The following RGS17 variants were observed in gnomAD, a reference collection of about 807,000 sequenced individuals.
RGS17 encodes the protein regulator of G-protein signaling 17.
In RGS17, 12 loss-of-function variants were observed where a neutral mutation model predicts 25.5. The observed-to-expected ratio is 0.47, with a 90% confidence interval of 0.30 to 0.76. RGS17 has a LOEUF of 0.76. Among genes scored for constraint, RGS17 ranks in the 30% least tolerant of loss-of-function variants. The probability of loss-of-function intolerance (pLI) is 0.07; values close to 1 mark genes in which losing one functional copy is unlikely to be tolerated. For synonymous variants in RGS17, 71 were observed against 76.9 expected, an observed-to-expected ratio of 0.92 and a Z score of 0.40; for missense variants, 196 against 242.2, an observed-to-expected ratio of 0.81 and a Z score of 1.27.
intron 1 of RGS17, among the ~76,000 whole-genome samples, chr6:153,084,379 A>G (rs1777024735): frequency 1.3e-5 from 2 of 152,206 alleles, no homozygotes; most frequent in Admixed American, 6.5e-5. Flanking sequence ...ACCAACTGAC[A>G]TAGAAATAAA....
intron 1 of RGS17, among the ~76,000 whole-genome samples, chr6:153,081,820 C>T (rs754269783): frequency 2.0e-5 from 3 of 152,188 alleles, no homozygotes; most frequent in African/African-American, 4.8e-5. Context: ...TGTTTACCCA[C>T]ATTTTCCATT....
intron 1 of RGS17, among the ~76,000 whole-genome samples, chr6:153,096,255 C>A (rs561554149): frequency 5.3e-5 from 8 of 152,128 alleles, no homozygotes; most frequent in Non-Finnish European, 8.8e-5. Context: ...GTAGCAAGTG[C>A]TGAGGAAAAG....
chr6:153,089,582 A>C (rs1393524239), intron 1 of RGS17, among the ~76,000 whole-genome samples: 2 of 152,100 alleles, frequency 1.3e-5, no homozygotes, highest in Non-Finnish European at 2.9e-5. Flanking sequence ...GTGTTCAAAA[A>C]GTGTTATTCT....
chr6:153,053,277 A>G (rs1309608981), intron 1 of RGS17, among the ~76,000 whole-genome samples: 2 of 152,222 alleles, frequency 1.3e-5, no homozygotes, highest in Non-Finnish European at 1.5e-5. Flanking sequence ...GCTGCAAAAT[A>G]TTAAATACAG....
intron 1 of RGS17, among the ~76,000 whole-genome samples, chr6:153,092,503 C>T (rs575804200): frequency 1.3e-5 from 2 of 152,238 alleles, no homozygotes; most frequent in East Asian, 1.9e-4. Context: ...TTTGTCACAG[C>T]GTGCCTTTTG....
chr6:153,053,994 ATATATAC>A (rs1776506748), intron 1 of RGS17, among the ~76,000 whole-genome samples: 1 of 55,520 alleles, frequency 1.8e-5, no homozygotes, highest in Non-Finnish European at 2.9e-5. Flanking sequence ...TGTATATAAT[ATATATAC>A]ATATATACGT....
rs1252502887 is a variant in RGS17, at chr6:153,011,032, T to C, written c.*542A>G. 2 of 152,518 alleles carry C rather than the reference T, an allele frequency of 1.3e-5. No homozygotes were observed. Among genetic ancestry groups the C allele is most frequent in the Non-Finnish European group, 2.9e-5 (2 of 67,982 alleles). 9.4% of individuals were successfully genotyped at this position (152,518 alleles called of 1,614,324 possible). A position where few individuals can be genotyped will look rare whatever the true frequency, so the allele number is the denominator to read the frequency against. ...TAGCTCTTTTTCATGTACAGAAATA[T>C]TGGCTTCAAAATTAGTGTACTAAAC... On this transcript the variant is annotated 3_prime_UTR_variant, in exon 5 of 5. Coordinates refer to ENST00000206262, the MANE Select transcript of RGS17 (RefSeq NM_012419.5).
chr6:153,089,393 A>G (rs1019521780), intron 1 of RGS17, among the ~76,000 whole-genome samples: 32 of 152,300 alleles, frequency 2.1e-4, no homozygotes, highest in African/African-American at 7.7e-4. Context: ...TCCATTTTTG[A>G]TAAAAATGAA....
At position 153,075,380 on chromosome 6, in the gene RGS17, T is replaced by A. The variant is rs187783174; in HGVS notation, c.-25-31337A>T. 4.6e-5 allele frequency among the ~76,000 whole-genome samples: 7 copies of A among 152,288 alleles called. No individual in the cohort carries two copies. In the East Asian group the frequency reaches 1.4e-3, roughly 29 times the overall value. ...ATGGAGACCCTGAAAACTGTGTCTATTCAACTGTTCCAAGAGATACTGGCT... is the reference window on the plus strand; with the variant it reads ...ATGGAGACCCTGAAAACTGTGTCTAATCAACTGTTCCAAGAGATACTGGCT... On this transcript the variant is annotated intron_variant, in intron 1 of 4. Coordinates refer to ENST00000206262, the MANE Select transcript of RGS17 (RefSeq NM_012419.5).
At position 153,004,965 on chromosome 6, in the gene RGS17, T is replaced by A. The variant is rs1779058474; in HGVS notation, c.*6609A>T. 1 of 152,190 alleles carries A rather than the reference T, an allele frequency of 6.6e-6. No individual in the cohort carries two copies. The highest frequency in any genetic ancestry group is 6.5e-5 in the Admixed American group (1 of 15,286). The allele number at this position is 152,190 out of a possible 1,614,324, so 9.4% of individuals were successfully genotyped here. A position where few individuals can be genotyped will look rare whatever the true frequency, so the allele number is the denominator to read the frequency against. On this transcript the variant is annotated 3_prime_UTR_variant, in exon 5 of 5. Coordinates refer to ENST00000206262, the MANE Select transcript of RGS17 (RefSeq NM_012419.5). ...ACATGGTAGTAAAAAATTATACACA[T>A]TCGATATGTAATTTTACAAAACCAA...
chr6:153,113,834 G>A (rs542819992), intron 1 of RGS17, among the ~76,000 whole-genome samples: 3 of 152,198 alleles, frequency 2.0e-5, no homozygotes, highest in South Asian at 2.1e-4. Context: ...AGACTACCGC[G>A]TAAATAATGA....
At chr6:153,095,461 T>A (rs1460748492) in intron 1 of RGS17, among the ~76,000 whole-genome samples, 1 of 152,128 alleles carries the variant, frequency 6.6e-6, no homozygotes, top group Non-Finnish European at 1.5e-5. Context: ...AAAAAATAAA[T>A]TTTGAAATTA....
chr6:153,026,133 A>C (rs888129448), intron 3 of RGS17, among the ~76,000 whole-genome samples: 11 of 152,162 alleles, frequency 7.2e-5, no homozygotes, highest in Non-Finnish European at 1.6e-4. Context: ...TTCTCTTATA[A>C]AGAGAAAAAC....
At chr6:153,076,890 C>G (rs1354635827) in intron 1 of RGS17, among the ~76,000 whole-genome samples, 1 of 152,088 alleles carries the variant, frequency 6.6e-6, no homozygotes, top group Admixed American at 6.5e-5. Flanking sequence ...TCAATGATTA[C>G]CAATGGATTC....
At chr6:153,059,422 T>C (rs75705488) in intron 1 of RGS17, among the ~76,000 whole-genome samples, 1 of 152,206 alleles carries the variant, frequency 6.6e-6, no homozygotes, top group East Asian at 1.9e-4. Flanking sequence ...TGCACTTCTA[T>C]CAACTTTCTA....
At chr6:153,099,336 T>C (rs1168087723) in intron 1 of RGS17, among the ~76,000 whole-genome samples, 1 of 152,208 alleles carries the variant, frequency 6.6e-6, no homozygotes, top group Non-Finnish European at 1.5e-5. Context: ...TTTAGGACTT[T>C]TAATTAATCT....
intron 1 of RGS17, among the ~76,000 whole-genome samples, chr6:153,076,685 C>T (rs1776885088): frequency 6.6e-6 from 1 of 152,162 alleles, no homozygotes; most frequent in Admixed American, 6.5e-5. Context: ...TTTGAAGAGG[C>T]TCCTGGCCAA....
At chr6:153,124,579 T>A (rs1239978486) in intron 1 of RGS17, among the ~76,000 whole-genome samples, 3 of 152,238 alleles carry the variant, frequency 2.0e-5, no homozygotes, top group Non-Finnish European at 4.4e-5. Flanking sequence ...TTTCTTTTAA[T>A]CCTTTAACAT....
chr6:153,039,125 G>A (rs570456978), intron 2 of RGS17, among the ~76,000 whole-genome samples: 1 of 152,134 alleles, frequency 6.6e-6, no homozygotes, highest in East Asian at 1.9e-4. Context: ...TTTGGAAATG[G>A]CTCATATCAA....
Sources: gnomAD v4.1 joint callset for allele counts (sites outside exome capture counted in the v4.1 genomes callset) on GRCh38, gnomAD v4.1.1 for gene constraint, MANE v1.5 for transcripts, NCBI Gene and HGNC (gene_info 2026-07-23, HGNC 2026-07-21) for gene names.